FRMPD1: variants seen among roughly 807,000 people sequenced by gnomAD.
FRMPD1 encodes the protein FERM and PDZ domain containing 1, also known as FERM and PDZ domain-containing protein 1.
A neutral mutation model predicts 117.8 loss-of-function variants in FRMPD1; 76 were observed. That is an observed-to-expected ratio of 0.65 (90% CI 0.54 to 0.78). FRMPD1 has a LOEUF of 0.78. Ranked by LOEUF, FRMPD1 falls within the 30% of genes least tolerant of loss-of-function variation. The probability of loss-of-function intolerance (pLI) is 0.00; values close to 1 mark genes in which losing one functional copy is unlikely to be tolerated. For missense variants in FRMPD1, 1,786 were observed against 1,964.5 expected (o/e 0.91, Z 1.72); for synonymous variants, 783 against 770.4 (o/e 1.02, Z -0.27).
chr9:37,744,261 T>C (rs1388430390), intron 15 of FRMPD1, 128 bp from the exon 16 acceptor site: 2 of 646,206 alleles, frequency 3.1e-6, no homozygotes, highest in East Asian at 2.5e-5. Flanking sequence ...GAGATCAGGA[T>C]TGAACTTGCT....
chr9:37,691,440 T>C (rs978413428), intron 1 of FRMPD1, among the ~76,000 whole-genome samples: 6 of 152,262 alleles, frequency 3.9e-5, no homozygotes, highest in African/African-American at 1.4e-4. Context: ...ACATAGTCTA[T>C]AGTTCAGTTA....
chr9:37,643,798 A>T, the FRMPD1 span, among the ~76,000 whole-genome samples: 2 of 152,276 alleles, frequency 1.3e-5, no homozygotes, highest in Middle Eastern at 6.8e-3. Flanking sequence ...GGAAAGAATG[A>T]TGCTTCTCCA....
chr9:37,744,089 A>T (rs1381848317), intron 15 of FRMPD1, among the ~76,000 whole-genome samples: 1 of 151,796 alleles, frequency 6.6e-6, no homozygotes, highest in Non-Finnish European at 1.5e-5. Flanking sequence ...CTCCGGGGGG[A>T]TGAGGCAGGA....
rs1824306122 is a variant in FRMPD1, at chr9:37,740,010, A to G, written c.1550-68A>G. The stretch of plus-strand genomic sequence containing the variant: ...CGTCTGGCAGGGTTGGGTGGGGGTC[A>G]GGGGGCTAGAAGGACACATAGGTAG... On this transcript the variant is annotated intron_variant, in intron 14 of 15. Transcript: ENST00000377765. The surrounding 1 kb of genome is among the most constrained non-coding windows in gnomAD (Gnocchi z 4.2). The G allele has an allele frequency of 7.5e-6, 9 of 1,203,902 alleles. No individual in the cohort carries two copies. Among genetic ancestry groups the G allele is most frequent in the Admixed American group, 4.3e-5 (2 of 46,220 alleles). 74.6% of individuals were successfully genotyped at this position (1,203,902 alleles called of 1,614,324 possible).
chr9:37,710,447 A>G (rs1352362182), intron 4 of FRMPD1, among the ~76,000 whole-genome samples: 1 of 152,164 alleles, frequency 6.6e-6, no homozygotes, highest in Non-Finnish European at 1.5e-5. Context: ...GCTTGATTTG[A>G]TCACTTTTGA....
intron 2 of FRMPD1, among the ~76,000 whole-genome samples, chr9:37,701,683 A>C (rs919011596): frequency 2.0e-5 from 3 of 152,160 alleles, no homozygotes; most frequent in African/African-American, 7.2e-5. Flanking sequence ...GGCTGGAGTG[A>C]TGGGCGGGAG....
At chr9:37,620,263 G>C in the FRMPD1 span, among the ~76,000 whole-genome samples, 1 of 152,246 alleles carries the variant, frequency 6.6e-6, no homozygotes. Context: ...CATCACAGCA[G>C]AGTAGAAGGA....
the FRMPD1 span, among the ~76,000 whole-genome samples, chr9:37,645,141 A>G: frequency 2.0e-5 from 3 of 152,106 alleles, no homozygotes; most frequent in Admixed American, 2.0e-4. Context: ...TACAAAAGAG[A>G]TAAAAAGGCA....
chr9:37,645,362 C>T, the FRMPD1 span, among the ~76,000 whole-genome samples: 6 of 152,136 alleles, frequency 3.9e-5, no homozygotes, highest in Non-Finnish European at 8.8e-5. Flanking sequence ...ATGTCCATTA[C>T]ATTAGCAATA....
chr9:37,650,281 G>C (rs934194579), upstream of FRMPD1, among the ~76,000 whole-genome samples: 1 of 152,186 alleles, frequency 6.6e-6, no homozygotes, highest in African/African-American at 2.4e-5. Context: ...GACGGCTCAG[G>C]GGGTCAGAAA....
At chr9:37,636,567 C>A in the FRMPD1 span, 282 of 707,596 alleles carry the variant, frequency 4.0e-4, no homozygotes, top group Non-Finnish European at 6.0e-4. Context: ...ATGGGGAGCC[C>A]AGGACACCCC....
chr9:37,746,607 G>C lies in FRMPD1; in HGVS notation c.4575G>C (p.Arg1525Ser), dbSNP rs538995103. 1 of 1,614,092 alleles carries C rather than the reference G, an allele frequency of 6.2e-7. No homozygotes were observed. Among genetic ancestry groups the C allele is most frequent in the African/African-American group, 1.3e-5 (1 of 75,072 alleles). ...ACAGGGAGGCAGCGGGGAACCTGAG[G>C]GATGTGGTGTACACCTACCATCAGT... is the stretch of plus-strand genomic sequence containing the variant. ...ARHREAAGNLRDVVYTYHQFI... is the reference protein window; with the variant it reads ...ARHREAAGNLSDVVYTYHQFI... The change falls in exon 16 of 16, where the codon AGG (arginine) becomes AGC (serine). Residue 1525 changes from arginine (R) to serine (S), a missense_variant. Arg to Ser is a moderately radical substitution (Grantham distance 110). Transcript: ENST00000377765.
chr9:37,739,018 G>A (rs1264204419), intron 14 of FRMPD1, among the ~76,000 whole-genome samples: 4 of 151,964 alleles, frequency 2.6e-5, no homozygotes, highest in African/African-American at 9.7e-5. Flanking sequence ...AAAGGGAGAT[G>A]GTGAAAAGAG....
chr9:37,649,513 G>A (rs1820601913), upstream of FRMPD1, among the ~76,000 whole-genome samples: 1 of 152,164 alleles, frequency 6.6e-6, no homozygotes. Flanking sequence ...GTGCAATTAC[G>A]TAGGAGGTCT....
At chr9:37,743,184 G>A (rs1256240163) in intron 15 of FRMPD1, among the ~76,000 whole-genome samples, 1 of 152,088 alleles carries the variant, frequency 6.6e-6, no homozygotes, top group Non-Finnish European at 1.5e-5. Flanking sequence ...GCCTGTGACA[G>A]AGTTGTGGCC....
At chr9:37,677,021 CT>C (rs1336019149) in intron 1 of FRMPD1, among the ~76,000 whole-genome samples, 2 of 152,304 alleles carry the variant, frequency 1.3e-5, no homozygotes, top group East Asian at 3.9e-4. Context: ...ATTGCATTTA[CT>C]TTTGGACCAA....
At chr9:37,678,547 C>T (rs1189802317) in intron 1 of FRMPD1, among the ~76,000 whole-genome samples, 3 of 152,096 alleles carry the variant, frequency 2.0e-5, no homozygotes, top group African/African-American at 4.8e-5. Context: ...AGGCACGAGC[C>T]ACCACACCCG....
In FRMPD1 at chr9:37,737,948, G is replaced by A. The variant is rs529793241; in HGVS notation, c.1549+705G>A. Among the ~76,000 whole-genome samples the A allele has an allele frequency of 3.2e-3, 491 of 151,752 alleles. 4 individuals carry two copies. The highest frequency in any genetic ancestry group is 5.9e-3 in the Non-Finnish European group (400 of 67,964). On this transcript the variant is annotated intron_variant, in intron 14 of 15. Coordinates refer to ENST00000377765, the MANE Select transcript of FRMPD1 (RefSeq NM_014907.3). ...CCTATGCACTCTTTTGCAATCTCTT[G>A]AAGTATAAAAGAACTTCTCTGCAAG...
rs561322191 is a variant in FRMPD1 at position 37,726,924 on chromosome 9, G to A, written c.612+2604G>A. ...CTGGGTGCCAAATAAAGGCCTCTGGGGGAGTGGAGTGGTAGCATGTATGGT... is the reference window on the plus strand; with the variant it reads ...CTGGGTGCCAAATAAAGGCCTCTGGAGGAGTGGAGTGGTAGCATGTATGGT... On this transcript the variant is annotated intron_variant, in intron 7 of 15. Coordinates refer to ENST00000377765, the MANE Select transcript of FRMPD1 (RefSeq NM_014907.3). Among the ~76,000 whole-genome samples, 6 of 152,204 alleles carry A rather than the reference G, an allele frequency of 3.9e-5. No homozygotes were observed. The South Asian group carries it at 1.2e-3, about 32-fold the overall frequency.
Sources: gnomAD v4.1 joint callset for allele counts (sites outside exome capture counted in the v4.1 genomes callset) on GRCh38, gnomAD v4.1.1 for gene constraint, Gnocchi (gnomAD v3.1) non-coding constraint, MANE v1.5 for transcripts, NCBI Gene and HGNC (gene_info 2026-07-23, HGNC 2026-07-21) for gene names.